TRPC7: variants seen among roughly 807,000 people sequenced by gnomAD.
TRPC7 encodes the protein short transient receptor potential channel 7.
A neutral mutation model predicts 90.1 loss-of-function variants in TRPC7; 42 were observed. That is an observed-to-expected ratio of 0.47 (90% CI 0.36 to 0.60). TRPC7 has a LOEUF of 0.60. Among genes scored for constraint, TRPC7 ranks in the 20% least tolerant of loss-of-function variants. The pLI is 0.00. For synonymous variants in TRPC7, 451 were observed against 436.3 expected (o/e 1.03, Z -0.42); for missense variants, 955 against 1,112.3 (o/e 0.86, Z 2.01).
chr5:136,348,155 A>C (rs1277960746), intron 2 of TRPC7, among the ~76,000 whole-genome samples: 1 of 152,208 alleles, frequency 6.6e-6, no homozygotes, highest in Non-Finnish European at 1.5e-5. Context: ...TCACTCACTC[A>C]CTTGCTGAAA....
intron 2 of TRPC7, among the ~76,000 whole-genome samples, chr5:136,337,663 C>CAAA: frequency 8.2e-6 from 1 of 121,672 alleles, no homozygotes; most frequent in African/African-American, 3.2e-5. Context: ...GAGACTCCAT[C>CAAA]AAAAAAAAAA....
At chr5:136,302,530 T>C (rs958479959) in intron 3 of TRPC7, among the ~76,000 whole-genome samples, 2 of 152,090 alleles carry the variant, frequency 1.3e-5, no homozygotes, top group Admixed American at 6.5e-5. Context: ...ATGCTCTCTT[T>C]TCTCTGGGCT....
At chr5:136,219,114 C>T (rs540113052) in intron 10 of TRPC7, among the ~76,000 whole-genome samples, 39 of 152,120 alleles carry the variant, frequency 2.6e-4, no homozygotes, top group Non-Finnish European at 4.6e-4. Flanking sequence ...TCATTTTATG[C>T]AGGGGGAAGC....
chr5:136,261,360 G>A (rs565637456), intron 5 of TRPC7, among the ~76,000 whole-genome samples: 5 of 152,000 alleles, frequency 3.3e-5, no homozygotes, highest in Admixed American at 6.6e-5. Flanking sequence ...AGAAAATATC[G>A]GAAAATAACT....
intron 7 of TRPC7, among the ~76,000 whole-genome samples, chr5:136,238,694 C>A (rs939754976): frequency 6.6e-6 from 1 of 152,196 alleles, no homozygotes; most frequent in African/African-American, 2.4e-5. Flanking sequence ...TGCCGTGAAG[C>A]CAGCATCCTC....
chr5:136,310,374 TGTAA>T (rs1005035591), intron 3 of TRPC7, among the ~76,000 whole-genome samples: 3 of 152,186 alleles, frequency 2.0e-5, no homozygotes, highest in African/African-American at 7.2e-5. Flanking sequence ...AAGGGAACTA[TGTAA>T]GTGAGGGAGA....
At chr5:136,221,589 G>T (rs913381069) in intron 10 of TRPC7, among the ~76,000 whole-genome samples, 4 of 152,194 alleles carry the variant, frequency 2.6e-5, no homozygotes, top group African/African-American at 9.7e-5. Flanking sequence ...TGGCCAATGA[G>T]GTAGGATCCA....
intron 10 of TRPC7, among the ~76,000 whole-genome samples, chr5:136,224,245 G>A (rs2149794421): frequency 6.6e-6 from 1 of 152,326 alleles, no homozygotes; most frequent in East Asian, 1.9e-4. Context: ...AGACAGGAAA[G>A]GAGTGGCCTG....
At chr5:136,299,243 G>A (rs975035843) in intron 3 of TRPC7, among the ~76,000 whole-genome samples, 10 of 151,838 alleles carry the variant, frequency 6.6e-5, no homozygotes, top group African/African-American at 2.2e-4. Flanking sequence ...GGAGGTTGCG[G>A]TGAGCTGAGA....
intron 3 of TRPC7, among the ~76,000 whole-genome samples, chr5:136,281,115 C>G (rs1360686642): frequency 6.6e-6 from 1 of 152,146 alleles, no homozygotes; most frequent in Non-Finnish European, 1.5e-5. Flanking sequence ...CCCCAAAGAC[C>G]AGGGGACTCA....
At position 136,284,295 on chromosome 5, in the gene TRPC7, G is replaced by A. The variant is rs540772199; in HGVS notation, c.964-9458C>T. On this transcript the variant is annotated intron_variant, in intron 3 of 11. Transcript: ENST00000513104. ...GGGGCCAACCCCCACACCATGATAT[G>A]TGTGTATGTGCACACGTGTGTGTGT... 5.3e-5 allele frequency among the ~76,000 whole-genome samples: 8 copies of A among 152,306 alleles called. No homozygotes were observed. The East Asian group carries it at 1.5e-3, about 29-fold the overall frequency.
intron 5 of TRPC7, 51 bp downstream of exon 5, chr5:136,266,169 T>C (rs1244435521): frequency 4.7e-6 from 7 of 1,501,174 alleles, no homozygotes; most frequent in Non-Finnish European, 6.5e-6. Context: ...AGTTTAATAA[T>C]GTCCTACTAT....
chr5:136,336,588 C>T (rs1001821561), intron 2 of TRPC7, among the ~76,000 whole-genome samples: 1 of 151,596 alleles, frequency 6.6e-6, no homozygotes, highest in Non-Finnish European at 1.5e-5. Context: ...TATACATGTG[C>T]CACGTTGGTT....
At chr5:136,213,759 C>A (rs1029214428) in intron 11 of TRPC7, among the ~76,000 whole-genome samples, 155 bp from the exon 12 acceptor site, 1 of 152,128 alleles carries the variant, frequency 6.6e-6, no homozygotes, top group Non-Finnish European at 1.5e-5. Flanking sequence ...TCTATTTGAA[C>A]CCAGAACCAC....
At chr5:136,232,664 T>C (rs1177129995) in intron 7 of TRPC7, among the ~76,000 whole-genome samples, 1 of 152,240 alleles carries the variant, frequency 6.6e-6, no homozygotes, top group African/African-American at 2.4e-5. Flanking sequence ...AGTAGTGTTA[T>C]GAATAAGACC....
intron 3 of TRPC7, among the ~76,000 whole-genome samples, chr5:136,293,464 G>A (rs1201699601): frequency 1.3e-5 from 2 of 152,200 alleles, no homozygotes; most frequent in South Asian, 2.1e-4. Flanking sequence ...AAATCAATGT[G>A]CAAAAATCAC....
At chr5:136,333,053 A>C (rs1419869001) in intron 2 of TRPC7, among the ~76,000 whole-genome samples, 2 of 152,194 alleles carry the variant, frequency 1.3e-5, no homozygotes, top group East Asian at 3.9e-4. Flanking sequence ...CTCCTCCACT[A>C]ACCCTCAGAA....
chr5:136,319,987 C>G (rs1043776221), intron 2 of TRPC7, among the ~76,000 whole-genome samples: 1 of 152,136 alleles, frequency 6.6e-6, no homozygotes, highest in African/African-American at 2.4e-5. Flanking sequence ...ACCACCCATA[C>G]ACTGGAGAGT....
chr5:136,324,971 T>C (rs1238644416), intron 2 of TRPC7, among the ~76,000 whole-genome samples: 1 of 152,210 alleles, frequency 6.6e-6, no homozygotes, highest in Non-Finnish European at 1.5e-5. Flanking sequence ...AGAATGTTTA[T>C]GGAAAGCTCC....
Sources: allele counts gnomAD v4.1 joint callset (sites outside exome capture counted in the v4.1 genomes callset), GRCh38; gene constraint gnomAD v4.1.1; transcripts MANE v1.5; gene names NCBI Gene and HGNC (gene_info 2026-07-23, HGNC 2026-07-21).